SUGCT: variants seen among roughly 807,000 people sequenced by gnomAD.
The protein encoded by SUGCT is succinyl-CoA:glutarate-CoA transferase, also known as succinyl-CoA:glutarate CoA-transferase.
Under a neutral mutation model 55.0 loss-of-function variants are expected in SUGCT, and 41 were observed. The observed-to-expected ratio is 0.74, with a 90% confidence interval of 0.58 to 0.97. The LOEUF is 0.97. Among genes scored for constraint, SUGCT ranks in the 50% least tolerant of loss-of-function variants. The probability of loss-of-function intolerance (pLI) is 0.00; values close to 1 mark genes in which losing one functional copy is unlikely to be tolerated. For synonymous variants in SUGCT, 187 were observed against 200.4 expected (o/e 0.93, Z 0.56); for missense variants, 568 against 547.8 (o/e 1.04, Z -0.37).
chr7:40,777,365 A>G (rs1360780475), intron 13 of SUGCT, among the ~76,000 whole-genome samples: 2 of 151,948 alleles, frequency 1.3e-5, no homozygotes. Flanking sequence ...TGGAGAGGCC[A>G]TGAGTTTCTA....
intron 6 of SUGCT, chr7:40,217,404 G>C: frequency 2.3e-6 from 1 of 443,534 alleles, no homozygotes; most frequent in Non-Finnish European, 4.5e-6. Flanking sequence ...TAGAGAAGGG[G>C]TTTTCCCATG....
At chr7:40,641,839 A>G (rs1293881031) in intron 12 of SUGCT, among the ~76,000 whole-genome samples, 1 of 152,234 alleles carries the variant, frequency 6.6e-6, no homozygotes, top group African/African-American at 2.4e-5. Context: ...ATCCATGTCA[A>G]TATCACAGAT....
chr7:40,707,116 G>A (rs1785457488), intron 12 of SUGCT, among the ~76,000 whole-genome samples: 1 of 152,014 alleles, frequency 6.6e-6, no homozygotes. Context: ...GACTGAACTC[G>A]AATAGTGACT....
chr7:40,294,533 C>G (rs954869671), intron 8 of SUGCT, among the ~76,000 whole-genome samples: 5 of 152,028 alleles, frequency 3.3e-5, no homozygotes, highest in African/African-American at 7.2e-5. Context: ...CCCATAGATG[C>G]GTTATGATGA....
chr7:40,977,946 C>T, the SUGCT span, among the ~76,000 whole-genome samples: 1 of 152,164 alleles, frequency 6.6e-6, no homozygotes, highest in African/African-American at 2.4e-5. Context: ...TGCCACTTGA[C>T]CCTTAAACCT....
At chr7:40,762,295 GTTGA>G (rs889617243) in intron 13 of SUGCT, among the ~76,000 whole-genome samples, 5 of 152,196 alleles carry the variant, frequency 3.3e-5, no homozygotes, top group African/African-American at 2.4e-5. Context: ...AGAAAATGGA[GTTGA>G]TTAAGTGGAA....
chr7:40,543,031 G>A (rs748155933), intron 12 of SUGCT, among the ~76,000 whole-genome samples: 45 of 152,174 alleles, frequency 3.0e-4, no homozygotes, highest in Non-Finnish European at 5.9e-4. Context: ...TTTGTGACAC[G>A]AGAAATAGCT....
intron 9 of SUGCT, among the ~76,000 whole-genome samples, chr7:40,345,052 A>G (rs1351659757): frequency 6.6e-6 from 1 of 152,222 alleles, no homozygotes; most frequent in Non-Finnish European, 1.5e-5. Flanking sequence ...ACAATCAAGA[A>G]CAGAATATTA....
At chr7:40,572,433 C>G (rs1213943745) in intron 12 of SUGCT, among the ~76,000 whole-genome samples, 1 of 151,960 alleles carries the variant, frequency 6.6e-6, no homozygotes, top group Non-Finnish European at 1.5e-5. Context: ...GTGGTCAGAG[C>G]TTTCTGGGAT....
At chr7:40,217,510 C>A in intron 6 of SUGCT, 2 of 408,014 alleles carry the variant, frequency 4.9e-6, no homozygotes, top group South Asian at 1.8e-5. Context: ...CCGCGCCTGG[C>A]CAACTTCCTG....
intron 12 of SUGCT, among the ~76,000 whole-genome samples, chr7:40,710,553 G>C (rs1334423706): frequency 1.3e-5 from 2 of 151,954 alleles, no homozygotes. Flanking sequence ...TCATAAAAAG[G>C]GTAGTTTTAA....
At chr7:40,702,133 C>T (rs2128663090) in intron 12 of SUGCT, among the ~76,000 whole-genome samples, 1 of 152,342 alleles carries the variant, frequency 6.6e-6, no homozygotes, top group South Asian at 2.1e-4. Context: ...AACCTGAACT[C>T]TGCCTGAGGC....
At chr7:40,415,715 A>G (rs181994657) in intron 9 of SUGCT, among the ~76,000 whole-genome samples, 1 of 152,138 alleles carries the variant, frequency 6.6e-6, no homozygotes, top group African/African-American at 2.4e-5. Flanking sequence ...TTACAGATAG[A>G]TAACTAGTTT....
At chr7:40,724,081 G>C (rs377734199) in intron 12 of SUGCT, among the ~76,000 whole-genome samples, 10 of 152,138 alleles carry the variant, frequency 6.6e-5, no homozygotes, top group African/African-American at 2.2e-4. Flanking sequence ...AAGGACCAAG[G>C]CCTGGTATGA....
At chr7:40,382,753 A>G (rs536105020) in intron 9 of SUGCT, among the ~76,000 whole-genome samples, 2 of 152,312 alleles carry the variant, frequency 1.3e-5, no homozygotes, top group Middle Eastern at 6.8e-3. Context: ...GATAATATTC[A>G]TTGAATATAT....
chr7:40,712,032 C>T (rs1014081321), intron 12 of SUGCT, among the ~76,000 whole-genome samples: 7 of 152,332 alleles, frequency 4.6e-5, no homozygotes, highest in South Asian at 2.1e-4. Context: ...ACTGCGGCTC[C>T]GCAAGCCTAG....
chr7:40,417,081 C>T (rs1787043657), intron 9 of SUGCT, among the ~76,000 whole-genome samples: 1 of 151,854 alleles, frequency 6.6e-6, no homozygotes, highest in Admixed American at 6.5e-5. Flanking sequence ...AACTCTTTAT[C>T]TGGTATATCT....
intron 13 of SUGCT, among the ~76,000 whole-genome samples, chr7:40,828,842 T>G (rs1427295375): frequency 6.6e-6 from 1 of 152,072 alleles, no homozygotes; most frequent in Non-Finnish European, 1.5e-5. Flanking sequence ...CTGTTCTCAT[T>G]GCTCACTAAA....
At chr7:40,178,932 T>C (rs1785050755) in intron 1 of SUGCT, among the ~76,000 whole-genome samples, 1 of 152,198 alleles carries the variant, frequency 6.6e-6, no homozygotes, top group Non-Finnish European at 1.5e-5. Context: ...TTTCCACTTT[T>C]ATTTTATTTT....
Sources: allele counts gnomAD v4.1 joint callset (sites outside exome capture counted in the v4.1 genomes callset), GRCh38; gene constraint gnomAD v4.1.1; transcripts MANE v1.5; gene names NCBI Gene and HGNC (gene_info 2026-07-23, HGNC 2026-07-21).